Variants in PPP6R2 observed in about 807,000 individuals in gnomAD.
The protein encoded by PPP6R2 is serine/threonine-protein phosphatase 6 regulatory subunit 2.
PPP6R2 carries 62 observed loss-of-function variants against 100.2 expected under a neutral mutation model. That is an observed-to-expected ratio of 0.62 (90% CI 0.50 to 0.76). The LOEUF is 0.76. PPP6R2 is among the 30% of genes least tolerant of loss of function. The probability of loss-of-function intolerance (pLI) is 0.00; values close to 1 mark genes in which losing one functional copy is unlikely to be tolerated. For missense variants in PPP6R2, 1,142 were observed against 1,276.3 expected (o/e 0.89, Z 1.60); for synonymous variants, 525 against 514.7 (o/e 1.02, Z -0.27).
intron 1 of PPP6R2, among the ~76,000 whole-genome samples, chr22:50,360,352 T>C (rs1382650268): frequency 1.2e-5 from 1 of 83,588 alleles, no homozygotes; most frequent in Admixed American, 1.2e-4. Context: ...TGCTCAGCCT[T>C]TTTTTTTTTT....
the PPP6R2 span, among the ~76,000 whole-genome samples, chr22:50,337,560 GTC>G: frequency 6.9e-6 from 1 of 144,800 alleles, no homozygotes; most frequent in Non-Finnish European, 1.5e-5. Context: ...TGTGTGTGGG[GTC>G]TGTGTGTCTG....
chr22:50,393,422 C>G, intron 2 of PPP6R2: 2 of 985,238 alleles, frequency 2.0e-6, no homozygotes, highest in African/African-American at 3.5e-5. Flanking sequence ...AGTGTTCACT[C>G]AGGACAGAAG....
chr22:50,359,359 C>T (rs1484711211), intron 1 of PPP6R2, among the ~76,000 whole-genome samples: 4 of 151,794 alleles, frequency 2.6e-5, no homozygotes, highest in Non-Finnish European at 5.9e-5. Context: ...GCTGGGACTA[C>T]AGGCGCCCAC....
In PPP6R2 at chr22:50,431,137, G is replaced by A. The variant is rs753642458; in HGVS notation, c.1126-36G>A. 22 of 1,538,704 alleles carry A rather than the reference G, an allele frequency of 1.4e-5. No homozygotes were observed. The highest frequency in any genetic ancestry group is 6.8e-5 in the South Asian group (6 of 88,860). On this transcript the variant is annotated intron_variant, in intron 10 of 23. Transcript: ENST00000612753. This position sits in a 1 kb window ranked among gnomAD's most constrained non-coding sequence, Gnocchi z 4.8. The stretch of plus-strand genomic sequence containing the variant: ...GTGGTGTAGCCGGCAGGAGAAAACC[G>A]ATCTAAGAACTGTCTTCTGTCCTCT...
chr22:50,434,308 G>A (rs1319909980), intron 12 of PPP6R2, among the ~76,000 whole-genome samples: 1 of 61,624 alleles, frequency 1.6e-5, no homozygotes, highest in Non-Finnish European at 3.1e-5. Flanking sequence ...GGCAGGGGCC[G>A]GGCATTTGCT....
intron 4 of PPP6R2, among the ~76,000 whole-genome samples, chr22:50,410,024 G>A (rs1010665670): frequency 1.3e-5 from 2 of 151,934 alleles, no homozygotes; most frequent in African/African-American, 4.8e-5. Flanking sequence ...CACTGCACAC[G>A]GCCTATTTTG....
intron 1 of PPP6R2, among the ~76,000 whole-genome samples, chr22:50,366,539 G>C (rs892703299): frequency 3.3e-5 from 5 of 151,994 alleles, no homozygotes; most frequent in Non-Finnish European, 5.9e-5. Flanking sequence ...CCTGACCTCA[G>C]GTGATCCACC....
chr22:50,370,204 T>C (rs1242551355), intron 1 of PPP6R2, among the ~76,000 whole-genome samples: 1 of 152,226 alleles, frequency 6.6e-6, no homozygotes, highest in Non-Finnish European at 1.5e-5. Context: ...AGTGTATTCA[T>C]GTTAAATTTA....
intron 2 of PPP6R2, among the ~76,000 whole-genome samples, chr22:50,375,551 T>G (rs989854245): frequency 2.0e-5 from 3 of 152,152 alleles, no homozygotes; most frequent in Non-Finnish European, 2.9e-5. Context: ...GAGGGCAGAC[T>G]AGAGGCACAT....
intron 2 of PPP6R2, among the ~76,000 whole-genome samples, chr22:50,374,653 C>T (rs559696869): frequency 6.6e-6 from 1 of 152,230 alleles, no homozygotes; most frequent in South Asian, 2.1e-4. Flanking sequence ...CAGTAGTTCA[C>T]GCCTGTAATC....
intron 13 of PPP6R2, 104 bp from the exon 14 acceptor site, chr22:50,436,263 G>A (rs1241040116): frequency 6.5e-5 from 64 of 978,066 alleles, no homozygotes; most frequent in Non-Finnish European, 8.9e-5. Context: ...CAGTAGCAGC[G>A]CCCCATCCTC....
rs2062203254 is a variant in PPP6R2, at chr22:50,426,812, TGACAGAGCGA to T, written c.1125+3201_1125+3210del. Among the ~76,000 whole-genome samples the T allele has an allele frequency of 3.4e-5, 4 of 116,362 alleles. No individual in the cohort carries two copies. The Admixed American group carries it at 4.1e-4, about 12-fold the overall frequency. The allele number at this position is 116,362 out of a possible 152,430, so 76.3% of individuals were successfully genotyped here. On this transcript the variant is annotated intron_variant, in intron 10 of 23. Transcript: ENST00000612753. ...TCACACCACTGCACTCCAGCCTGGG[TGACAGAGCGA>T]GATTCTGTTTCAAAAAAAAAAAAAA...
chr22:50,406,551 GTT>G, intron 3 of PPP6R2, 136 bp from the exon 4 acceptor site: 1 of 763,188 alleles, frequency 1.3e-6, no homozygotes, highest in East Asian at 2.5e-5. Flanking sequence ...AGGTAGTCAC[GTT>G]TTTGTTCTGT....
At chr22:50,437,927 C>T (rs771798153) in intron 17 of PPP6R2, 27 bp downstream of exon 17, 9 of 1,560,882 alleles carry the variant, frequency 5.8e-6, no homozygotes, top group Admixed American at 1.9e-5. Flanking sequence ...GTGTGGGGTG[C>T]CGCCACCCTT....
chr22:50,384,294 G>A (rs2053738991), intron 2 of PPP6R2, among the ~76,000 whole-genome samples: 1 of 152,042 alleles, frequency 6.6e-6, no homozygotes, highest in African/African-American at 2.4e-5. Flanking sequence ...AGTGGCTCAC[G>A]CCTGTAATCC....
intron 12 of PPP6R2, among the ~76,000 whole-genome samples, chr22:50,433,225 G>A (rs1340244110): frequency 6.6e-6 from 1 of 151,490 alleles, no homozygotes; most frequent in Non-Finnish European, 1.5e-5. Context: ...CTGGAGGAGG[G>A]CAGGGGGCGC....
chr22:50,432,263 A>G lies in PPP6R2; in HGVS notation c.1336-2A>G. On this transcript the variant is annotated splice_acceptor_variant, in intron 11 of 23. Transcript: ENST00000612753. LOFTEE classifies it high-confidence loss of function. Reference sequence around the variant, plus strand: ...ACGCTGTCCCCCTGCCCCGCCCCCCAGCTGTTCCAGAAGTGCTGCCTGGTG... The same window carrying G: ...ACGCTGTCCCCCTGCCCCGCCCCCCGGCTGTTCCAGAAGTGCTGCCTGGTG... 6.5e-7 allele frequency: 1 copy of G among 1,549,678 alleles called. No homozygotes were observed. The highest frequency in any genetic ancestry group is 8.7e-7 in the Non-Finnish European group (1 of 1,146,908).
chr22:50,396,023 C>T (rs911131549), intron 3 of PPP6R2, among the ~76,000 whole-genome samples: 5 of 150,112 alleles, frequency 3.3e-5, no homozygotes, highest in South Asian at 2.1e-4. Flanking sequence ...GGTGAAACCC[C>T]GTCTCTAATA....
chr22:50,418,836 G>T, intron 6 of PPP6R2, 31 bp from the exon 7 acceptor site: 14 of 1,546,530 alleles, frequency 9.1e-6, no homozygotes, highest in Non-Finnish European at 1.3e-5. Flanking sequence ...TCTCCACACT[G>T]AGGGACTCTG....
Sources: gnomAD v4.1 joint callset for allele counts (sites outside exome capture counted in the v4.1 genomes callset) on GRCh38, gnomAD v4.1.1 for gene constraint, Gnocchi (gnomAD v3.1) non-coding constraint, MANE v1.5 for transcripts, NCBI Gene and HGNC (gene_info 2026-07-23, HGNC 2026-07-21) for gene names.